RPL17: variants seen among roughly 807,000 people sequenced by gnomAD.
RPL17 encodes the protein ribosomal protein L17.
Under a neutral mutation model 27.7 loss-of-function variants are expected in RPL17, and 2 were observed. The observed-to-expected ratio is 0.07, with a 90% CI of 0.03 to 0.23. The LOEUF is 0.23. Among genes scored for constraint, RPL17 ranks in the 10% least tolerant of loss-of-function variants. The probability of loss-of-function intolerance (pLI) is 1.00; values close to 1 mark genes in which losing one functional copy is unlikely to be tolerated. For synonymous variants in RPL17, 76 were observed against 75.5 expected, an observed-to-expected ratio of 1.01 and a Z score of -0.03; for missense variants, 141 against 238.8, an observed-to-expected ratio of 0.59 and a Z score of 2.70.
rs17655989 is a variant in RPL17 at position 49,490,417 on chromosome 18, C to T, written c.315+37G>A. 63,956 of 1,599,824 alleles carry T rather than the reference C, an allele frequency of 0.04. 1,516 individuals are homozygous for T. The highest frequency in any genetic ancestry group is 0.073 in the South Asian group (6,546 of 89,992). ...TGAACAGCCAACATTAATTAAACAACCACCCAAGTTGCACAGGATGTTAGT... is the reference window on the plus strand; with the variant it reads ...TGAACAGCCAACATTAATTAAACAATCACCCAAGTTGCACAGGATGTTAGT... On this transcript the variant is annotated intron_variant, in intron 5 of 6. Coordinates refer to ENST00000580261, the MANE Select transcript of RPL17 (RefSeq NM_001035006.5).
intron 6 of RPL17, among the ~76,000 whole-genome samples, chr18:49,488,775 T>G (rs1380778032): frequency 1.3e-5 from 2 of 152,194 alleles, no homozygotes; most frequent in Non-Finnish European, 2.9e-5. Flanking sequence ...GAACTAAATG[T>G]GATCAATTAC....
At chr18:49,491,670 C>G in intron 1 of RPL17, 86 bp from the exon 2 acceptor site, 1 of 1,490,718 alleles carries the variant, frequency 6.7e-7, no homozygotes, top group Non-Finnish European at 9.4e-7. Flanking sequence ...AACAGCTGCT[C>G]AGAGAGTAGT....
intron 6 of RPL17, among the ~76,000 whole-genome samples, chr18:49,488,930 G>A (rs868380876): frequency 4.7e-5 from 7 of 149,588 alleles, no homozygotes; most frequent in South Asian, 2.1e-4. Flanking sequence ...ACAGCGTCTC[G>A]CTCTGTCACC....
intron 2 of RPL17, 39 bp from the exon 3 acceptor site, chr18:49,491,484 A>T: frequency 3.1e-6 from 5 of 1,614,158 alleles, no homozygotes; most frequent in Admixed American, 1.7e-5. Context: ...TTGGTATCTT[A>T]TGCCAAGCCC....
chr18:49,492,120 C>G (rs2084157485), intron 1 of RPL17: 2 of 203,020 alleles, frequency 9.9e-6, no homozygotes, highest in Non-Finnish European at 2.1e-5. Context: ...CTCGTTGCGG[C>G]CACCACTCAC....
In RPL17 at chr18:49,490,870, A is replaced by G. The variant is rs1366536534; in HGVS notation, c.139T>C (p.Tyr47His). 6.2e-7 allele frequency: 1 copy of G among 1,613,784 alleles called. No individual in the cohort carries two copies. Among genetic ancestry groups the G allele is most frequent in the South Asian group, 1.1e-5 (1 of 91,080 alleles). The change falls in exon 4 of 7, where the codon TAT (tyrosine) becomes CAT (histidine). Residue 47 changes from tyrosine to histidine, a missense_variant. Transcript: ENST00000580261. Reference sequence around the variant, plus strand: ...TTCTGTAAAGTGACATCTTTCAGATACTTCGTGGCTTTTCGTATATGCATA... The same window carrying G: ...TTCTGTAAAGTGACATCTTTCAGATGCTTCGTGGCTTTTCGTATATGCATA... ...KGMHIRKATKYLKDVTLQKQC... is the reference protein window; with the variant it reads ...KGMHIRKATKHLKDVTLQKQC...
At chr18:49,488,877 C>T (rs902649125) in intron 6 of RPL17, among the ~76,000 whole-genome samples, 1 of 150,944 alleles carries the variant, frequency 6.6e-6, no homozygotes, top group African/African-American at 2.4e-5. Context: ...TCATACGGGC[C>T]TGAGGTACTG....
chr18:49,489,933 C>A (rs906893481), intron 5 of RPL17, among the ~76,000 whole-genome samples: 2 of 152,278 alleles, frequency 1.3e-5, no homozygotes, highest in South Asian at 4.1e-4. Flanking sequence ...CTGGCCCAGA[C>A]CTTCAAATGC....
At chr18:49,491,322 G>A (rs940549117) in intron 3 of RPL17, 83 bp downstream of exon 3, 12 of 1,589,600 alleles carry the variant, frequency 7.5e-6, no homozygotes, top group African/African-American at 4.0e-5. Flanking sequence ...AAATCCAAAG[G>A]TGTCCTAAGA....
chr18:49,491,759 TC>T, intron 1 of RPL17, 175 bp from the exon 2 acceptor site: 1 of 859,330 alleles, frequency 1.2e-6, no homozygotes, highest in South Asian at 1.3e-5. Flanking sequence ...GGGCTTGCTT[TC>T]CCTTTTATCT....
At chr18:49,491,733 T>C in intron 1 of RPL17, 149 bp from the exon 2 acceptor site, 1 of 1,035,138 alleles carries the variant, frequency 9.7e-7, no homozygotes, top group Non-Finnish European at 1.5e-6. Context: ...ATCGCAGCCA[T>C]ACTTTCCCCC....
chr18:49,491,477 G>T (rs528956039), intron 2 of RPL17, 32 bp from the exon 3 acceptor site: 2 of 1,614,064 alleles, frequency 1.2e-6, no homozygotes, highest in Non-Finnish European at 1.7e-6. Flanking sequence ...TTAATTTTTG[G>T]TATCTTATGC....
At position 49,491,070 on chromosome 18, in the gene RPL17, T is replaced by TA. The variant is rs560208164; in HGVS notation, c.82-144dup. On this transcript the variant is annotated intron_variant, in intron 3 of 6. Transcript: ENST00000580261. ...CAAGGCAATTAAAAAAACTTGTGAC[T>TA]AAAAGCCAGGTAAACTTCGTTGAAG... 267 of 1,350,164 alleles carry TA rather than the reference T, an allele frequency of 2.0e-4. No homozygotes were observed. In the African/African-American group the frequency reaches 3.4e-3, roughly 17 times the overall value. 83.6% of individuals were successfully genotyped at this position (1,350,164 alleles called of 1,614,324 possible). A position where few individuals can be genotyped will look rare whatever the true frequency, so the allele number is the denominator to read the frequency against.
chr18:49,490,893 A>G lies in RPL17; in HGVS notation c.116T>C (p.Met39Thr), dbSNP rs1484794070. The G allele has an allele frequency of 6.2e-7, 1 of 1,613,996 alleles. No homozygotes were observed. The highest frequency in any genetic ancestry group is 8.5e-7 in the Non-Finnish European group (1 of 1,179,926). ...TRETAQAIKGMHIRKATKYLK... is the reference protein window; with the variant it reads ...TRETAQAIKGTHIRKATKYLK... ...ATACTTCGTGGCTTTTCGTATATGC[A>G]TACCCTTGATGGCCTGAGCAGTTTC... is the stretch of plus-strand genomic sequence containing the variant. The change falls in exon 4 of 7, where the codon ATG (methionine) becomes ACG (threonine). Residue 39 changes from methionine (M) to threonine (T), a missense_variant. By Grantham distance (81) the Met-to-Thr change is moderately conservative. Transcript: ENST00000580261.
In RPL17 at chr18:49,490,349, T is replaced by C. The variant is rs111646699; in HGVS notation, c.315+105A>G. The C allele has an allele frequency of 5.7e-3, 6,096 of 1,062,038 alleles. 215 individuals are homozygous for C. The African/African-American group carries it at 0.11, about 19-fold the overall frequency. 65.8% of individuals were successfully genotyped at this position (1,062,038 alleles called of 1,614,324 possible). On this transcript the variant is annotated intron_variant, in intron 5 of 6. Coordinates refer to ENST00000580261, the MANE Select transcript of RPL17 (RefSeq NM_001035006.5). ...CTGCAGGTAGAAATTTAAAAAATCCTAAGAGTTAATTACTGAAAACAAGAA... is the reference window on the plus strand; with the variant it reads ...CTGCAGGTAGAAATTTAAAAAATCCCAAGAGTTAATTACTGAAAACAAGAA...
rs1457371446 is a variant in RPL17, at chr18:49,490,528, C to T, written c.241G>A (p.Gly81Ser). 1.2e-6 allele frequency: 2 copies of T among 1,613,870 alleles called. No individual in the cohort carries two copies. The highest frequency in any genetic ancestry group is 8.5e-7 in the Non-Finnish European group (1 of 1,179,940). ...AQAKQWGWTQ[G>S]RWPKKSAEFL... ...TCAGCACTCTTTTTGGGCCACCGAC[C>T]TTGTGTCCAGCCCCATTGCTTGGCC... The change falls in exon 5 of 7, where the codon GGT (glycine) becomes AGT (serine). Residue 81 changes from glycine (G) to serine (S), a missense_variant. Physicochemically the swap from Gly to Ser is moderately conservative, Grantham distance 56. This residue lies in a region of RPL17 where 107 missense variants were observed against 150.1 expected (regional missense o/e 0.71). Coordinates refer to ENST00000580261, the MANE Select transcript of RPL17 (RefSeq NM_001035006.5).
At chr18:49,489,630 A>G (rs1488789321) in intron 5 of RPL17, 80 bp from the exon 6 acceptor site, 1 of 1,456,998 alleles carries the variant, frequency 6.9e-7, no homozygotes, top group East Asian at 2.3e-5. Context: ...GCTAAATATG[A>G]ATTCCCAGGC....
At chr18:49,492,036 C>T (rs1383648988) in intron 1 of RPL17, 3 of 326,068 alleles carry the variant, frequency 9.2e-6, no homozygotes, top group Admixed American at 4.0e-5. Context: ...ACTTTAAGAG[C>T]CCTCCTGTAC....
Position 49,491,676 on chromosome 18 carries a change from G to C in RPL17, c.-13-92C>G, listed in dbSNP as rs369804119. The C allele has an allele frequency of 7.5e-6, 11 of 1,473,312 alleles. No individual in the cohort carries two copies. In the East Asian group the frequency reaches 2.3e-4, roughly 30 times the overall value. 91.3% of individuals were successfully genotyped at this position (1,473,312 alleles called of 1,614,324 possible). A position where few individuals can be genotyped will look rare whatever the true frequency, so the allele number is the denominator to read the frequency against. On this transcript the variant is annotated intron_variant, in intron 1 of 6. Coordinates refer to ENST00000580261, the MANE Select transcript of RPL17 (RefSeq NM_001035006.5). The stretch of plus-strand genomic sequence containing the variant: ...GATGATTCGAACAGCTGCTCAGAGA[G>C]TAGTTGTTTTCATTATTAATCCAAA...
Sources: gnomAD v4.1 joint callset for allele counts (sites outside exome capture counted in the v4.1 genomes callset) on GRCh38, gnomAD v4.1.1 for gene constraint, gnomAD v4.1.1 regional missense constraint, MANE v1.5 for transcripts, NCBI Gene and HGNC (gene_info 2026-07-23, HGNC 2026-07-21) for gene names.